Variants in FRMD4A observed in about 807,000 individuals in gnomAD.
The protein encoded by FRMD4A is FERM domain-containing protein 4A.
Under a neutral mutation model 129.1 loss-of-function variants are expected in FRMD4A, and 29 were observed. The ratio of observed to expected loss-of-function variants is 0.22; its 90% CI spans 0.17 to 0.31. The LOEUF is 0.31. Among genes scored for constraint, FRMD4A ranks in the 10% least tolerant of loss-of-function variants. The pLI is 1.00. For missense variants in FRMD4A, 1,272 were observed against 1,375.8 expected (o/e 0.92, Z 1.19); for synonymous variants, 634 against 571.6 (o/e 1.11, Z -1.56).
intron 16 of FRMD4A, among the ~76,000 whole-genome samples, chr10:13,673,326 T>C (rs1270126460): frequency 6.6e-6 from 1 of 152,232 alleles, no homozygotes; most frequent in Non-Finnish European, 1.5e-5. Flanking sequence ...ATCCAGACCA[T>C]AATTAAGCCA....
rs747932581 is a variant in FRMD4A, at chr10:13,699,240, T to TGTTTG, written c.975+2099_975+2100insCAAAC. Among the ~76,000 whole-genome samples, 130 of 142,794 alleles carry TGTTTG rather than the reference T, an allele frequency of 9.1e-4. 1 individual carries two copies. Among genetic ancestry groups the TGTTTG allele is most frequent in the African/African-American group, 2.1e-3 (80 of 37,894 alleles). 93.7% of individuals were successfully genotyped at this position (142,794 alleles called of 152,430 possible). A position where few individuals can be genotyped will look rare whatever the true frequency, so the allele number is the denominator to read the frequency against. ...TTGGTTATTGTTTTTTTTTTTTTTT[T>TGTTTG]TTTTTTTTGTATTTTTAGTAAAGAC... On this transcript the variant is annotated intron_variant, in intron 14 of 24. Transcript: ENST00000357447.
At chr10:14,096,800 A>G (rs1309071697) in intron 2 of FRMD4A, among the ~76,000 whole-genome samples, 2 of 152,266 alleles carry the variant, frequency 1.3e-5, no homozygotes, top group South Asian at 2.1e-4. Flanking sequence ...TCCCACCTAC[A>G]TTATGTTTAG....
intron 2 of FRMD4A, among the ~76,000 whole-genome samples, chr10:14,014,702 C>T (rs2095692653): frequency 6.6e-6 from 1 of 152,206 alleles, no homozygotes; most frequent in Admixed American, 6.5e-5. Context: ...ATCACCAGAC[C>T]TCACATGCCC....
At chr10:14,285,962 C>A (rs897496206) in intron 2 of FRMD4A, among the ~76,000 whole-genome samples, 1 of 152,126 alleles carries the variant, frequency 6.6e-6, no homozygotes, top group Non-Finnish European at 1.5e-5. Flanking sequence ...CGCAAGATGG[C>A]GGATCCAAAA....
chr10:13,822,048 G>GATAT (rs147039540), intron 3 of FRMD4A, among the ~76,000 whole-genome samples: 6 of 150,356 alleles, frequency 4.0e-5, no homozygotes, highest in African/African-American at 1.2e-4. Context: ...AAATGGAAAC[G>GATAT]ATATATATAT....
chr10:13,852,977 C>T (rs1376690061), intron 3 of FRMD4A, among the ~76,000 whole-genome samples: 1 of 152,146 alleles, frequency 6.6e-6, no homozygotes, highest in Non-Finnish European at 1.5e-5. Flanking sequence ...AAAACACAGA[C>T]TAGTCACAGT....
chr10:14,304,864 T>C (rs1218478), intron 2 of FRMD4A, among the ~76,000 whole-genome samples: 27,184 of 152,170 alleles, frequency 0.18, 3,179 homozygotes, highest in African/African-American at 0.33. Context: ...CCCGGCTGCA[T>C]CTCCCTTGAG....
chr10:13,651,188 G>A (rs1403369674), intron 24 of FRMD4A: 2 of 152,212 alleles, frequency 1.3e-5, no homozygotes, highest in Non-Finnish European at 2.9e-5. Context: ...GCTTTCTAAC[G>A]AGCTCCCAGG....
At chr10:13,669,762 C>A (rs2083365903) in intron 17 of FRMD4A, among the ~76,000 whole-genome samples, 1 of 152,198 alleles carries the variant, frequency 6.6e-6, no homozygotes. Context: ...GCCAGAGAGT[C>A]AAGTCTTGGT....
intron 2 of FRMD4A, among the ~76,000 whole-genome samples, chr10:14,015,322 C>T (rs1417864990): frequency 7.1e-6 from 1 of 140,586 alleles, no homozygotes; most frequent in Non-Finnish European, 1.5e-5. Context: ...TTCCCTTCCT[C>T]TTCTCTCCTT....
intron 3 of FRMD4A, among the ~76,000 whole-genome samples, chr10:13,813,741 A>C (rs933830574): frequency 1.3e-5 from 2 of 152,224 alleles, no homozygotes; most frequent in Non-Finnish European, 2.9e-5. Context: ...TTGTGACTGT[A>C]TGGCTGAGCA....
At chr10:13,877,617 C>T (rs2094501366) in intron 2 of FRMD4A, among the ~76,000 whole-genome samples, 1 of 152,230 alleles carries the variant, frequency 6.6e-6, no homozygotes, top group African/African-American at 2.4e-5. Context: ...GTGACTTTGA[C>T]ATCCACACGG....
chr10:14,125,082 GC>G (rs1461792954), intron 2 of FRMD4A, among the ~76,000 whole-genome samples: 5 of 152,128 alleles, frequency 3.3e-5, no homozygotes, highest in Non-Finnish European at 7.3e-5. Context: ...AGTTAATGAA[GC>G]AACTCAGCTA....
At chr10:13,703,994 ACT>A (rs978923721) in intron 13 of FRMD4A, among the ~76,000 whole-genome samples, 7 of 152,078 alleles carry the variant, frequency 4.6e-5, no homozygotes, top group African/African-American at 1.2e-4. Context: ...ACAAAGTGAG[ACT>A]CTGTCTCAAA....
At chr10:13,972,229 C>T (rs756261248) in intron 2 of FRMD4A, 38 of 1,002,522 alleles carry the variant, frequency 3.8e-5, no homozygotes, top group Non-Finnish European at 4.4e-5. Context: ...GGTGAGAAAG[C>T]TAAGAGCAGA....
chr10:13,787,334 G>T (rs1287623226), intron 5 of FRMD4A, among the ~76,000 whole-genome samples: 1 of 152,196 alleles, frequency 6.6e-6, no homozygotes, highest in Non-Finnish European at 1.5e-5. Context: ...CGCCTGCAGA[G>T]AAACAGAGCT....
intron 2 of FRMD4A, among the ~76,000 whole-genome samples, chr10:14,258,817 T>C (rs1426911148): frequency 2.0e-5 from 3 of 152,230 alleles, no homozygotes; most frequent in Non-Finnish European, 4.4e-5. Context: ...AAGGAAATAC[T>C]ACTTAGCCAT....
intron 17 of FRMD4A, chr10:13,667,400 C>T (rs896646649): frequency 6.6e-6 from 1 of 151,208 alleles, no homozygotes; most frequent in African/African-American, 2.4e-5. Context: ...GTAGCTCCCT[C>T]CCACCTCTAT....
At chr10:13,913,887 C>T (rs967096122) in intron 2 of FRMD4A, among the ~76,000 whole-genome samples, 6 of 152,170 alleles carry the variant, frequency 3.9e-5, no homozygotes, top group Non-Finnish European at 5.9e-5. Context: ...GACTATCAGG[C>T]GGATATGAGC....
Sources: allele counts gnomAD v4.1 joint callset (sites outside exome capture counted in the v4.1 genomes callset), GRCh38; gene constraint gnomAD v4.1.1; transcripts MANE v1.5; gene names NCBI Gene and HGNC (gene_info 2026-07-23, HGNC 2026-07-21).